Variants in MRPL3 observed in about 807,000 individuals in gnomAD.
The protein encoded by MRPL3 is mitochondrial ribosomal protein L3, also known as large ribosomal subunit protein uL3m.
A neutral mutation model predicts 44.3 loss-of-function variants in MRPL3; 43 were observed. That is an observed-to-expected ratio of 0.97 (90% confidence interval 0.76 to 1.25). The LOEUF (loss-of-function observed/expected upper bound fraction) is 1.25, where lower values mean the gene tolerates loss of function less well. MRPL3 is among the 50% of genes most tolerant of loss of function. The probability of loss-of-function intolerance (pLI) is 0.00; values close to 1 mark genes in which losing one functional copy is unlikely to be tolerated. For missense variants in MRPL3, 406 were observed against 427.6 expected (o/e 0.95, Z 0.45); for synonymous variants, 171 against 152.3 (o/e 1.12, Z -0.91).
At chr3:131,474,765 ATTT>A (rs372689423) in intron 6 of MRPL3, among the ~76,000 whole-genome samples, 24 of 137,876 alleles carry the variant, frequency 1.7e-4, no homozygotes, top group Admixed American at 3.7e-4. Flanking sequence ...AGACTTTTTA[ATTT>A]TTTTTTTTTT....
chr3:131,483,241 T>G (rs975500489), intron 6 of MRPL3, among the ~76,000 whole-genome samples: 6 of 152,138 alleles, frequency 3.9e-5, no homozygotes, highest in African/African-American at 1.4e-4. Flanking sequence ...ACCTTAAAAA[T>G]GTACCCAGGG....
At chr3:131,495,074 C>A (rs111487326) in intron 4 of MRPL3, among the ~76,000 whole-genome samples, 1 of 152,052 alleles carries the variant, frequency 6.6e-6, no homozygotes, top group African/African-American at 2.4e-5. Context: ...AAAAAGGCAA[C>A]GTAGTCTAAT....
rs143393720 is a variant in MRPL3, at chr3:131,464,521, T to C, written c.895-1646A>G. ...CCTCAATTATCTACCTCATTCTTTT[T>C]ATGTCTATCAGCAAACCAGTCTAAA... On this transcript the variant is annotated intron_variant, in intron 9 of 9. Coordinates refer to ENST00000264995, the MANE Select transcript of MRPL3 (RefSeq NM_007208.4). 9.2e-3 allele frequency among the ~76,000 whole-genome samples: 1,403 copies of C among 152,232 alleles called. 15 individuals carry two copies. Among genetic ancestry groups the C allele is most frequent in the African/African-American group, 0.031 (1,282 of 41,560 alleles).
At chr3:131,469,511 C>CT (rs1330175642) in intron 8 of MRPL3, among the ~76,000 whole-genome samples, 185 bp downstream of exon 8, 1 of 148,208 alleles carries the variant, frequency 6.7e-6, no homozygotes, top group African/African-American at 2.5e-5. Flanking sequence ...TCATTACTAC[C>CT]ACCATTACTA....
At chr3:131,499,905 T>C (rs1243307132) in intron 3 of MRPL3, among the ~76,000 whole-genome samples, 1 of 152,196 alleles carries the variant, frequency 6.6e-6, no homozygotes, top group Non-Finnish European at 1.5e-5. Flanking sequence ...AGAGTATCTT[T>C]TACAGATGAG....
chr3:131,501,539 C>T lies in MRPL3; in HGVS notation c.269G>A (p.Trp90Ter). 3.1e-6 allele frequency: 5 copies of T among 1,610,394 alleles called. No homozygotes were observed. The highest frequency in any genetic ancestry group is 4.2e-6 in the Non-Finnish European group (5 of 1,179,174). ...LKDEPWPIHP[W>*]EPGSFRVGLI... Reference sequence around the variant, plus strand: ...AAATACAAAATAATCACCTGGTTCCCAAGGATGTATAGGCCATGGTTCATC... The same window carrying T: ...AAATACAAAATAATCACCTGGTTCCTAAGGATGTATAGGCCATGGTTCATC... The change falls in exon 2 of 10, where the codon TGG becomes TAG. Residue 90 changes from tryptophan (W) to a stop codon, truncating the protein, a stop_gained. Transcript: ENST00000264995. LOFTEE classifies it high-confidence loss of function.
chr3:131,463,627 A>G (rs1274876601), intron 9 of MRPL3, among the ~76,000 whole-genome samples: 2 of 152,162 alleles, frequency 1.3e-5, no homozygotes, highest in Non-Finnish European at 2.9e-5. Flanking sequence ...TAAGTTAAAG[A>G]CAGAATAATA....
In MRPL3 at chr3:131,481,351, C is replaced by T. The variant is rs560879701; in HGVS notation, c.629+6329G>A. ...AAAATTGAAACTAATTACAAAGCAG[C>T]AACATCAATAATAGTGATAGTAGCT... is the stretch of plus-strand genomic sequence containing the variant. On this transcript the variant is annotated intron_variant, in intron 6 of 9. Transcript: ENST00000264995. 2.0e-5 allele frequency among the ~76,000 whole-genome samples: 3 copies of T among 152,260 alleles called. No individual in the cohort carries two copies. In the East Asian group the frequency reaches 5.8e-4, roughly 29 times the overall value.
At chr3:131,480,946 T>C (rs6776723) in intron 6 of MRPL3, among the ~76,000 whole-genome samples, 112,890 of 152,144 alleles carry the variant, frequency 0.74, 43,203 homozygotes, top group African/African-American at 0.91. Context: ...TTAAAGATAA[T>C]GAAATCGAAA....
chr3:131,485,174 C>T (rs964417741), intron 6 of MRPL3, among the ~76,000 whole-genome samples: 2 of 152,124 alleles, frequency 1.3e-5, no homozygotes, highest in Non-Finnish European at 1.5e-5. Flanking sequence ...TCCTCTTTTA[C>T]TTTATGCTTA....
chr3:131,475,052 G>A (rs1186420283), intron 6 of MRPL3, among the ~76,000 whole-genome samples: 1 of 151,994 alleles, frequency 6.6e-6, no homozygotes, highest in East Asian at 1.9e-4. Flanking sequence ...AAAGTGTTGG[G>A]ATTACAGGTG....
At chr3:131,491,681 C>T (rs1934258752) in intron 4 of MRPL3, among the ~76,000 whole-genome samples, 1 of 152,082 alleles carries the variant, frequency 6.6e-6, no homozygotes, top group African/African-American at 2.4e-5. Flanking sequence ...AGCAATTCCT[C>T]CAGACTATTT....
chr3:131,470,889 G>A (rs530030725), intron 7 of MRPL3, among the ~76,000 whole-genome samples: 3 of 152,136 alleles, frequency 2.0e-5, no homozygotes, highest in African/African-American at 7.2e-5. Context: ...TAATTCAAAA[G>A]ACAAACTGAA....
chr3:131,502,773 G>A lies in MRPL3; in HGVS notation c.49C>T (p.Arg17Ter), dbSNP rs1485897099. Residue 17 changes from arginine (R) to a stop codon, truncating the protein, a stop_gained, in exon 1 of 10, where the codon CGA becomes TGA. Transcript: ENST00000264995. LOFTEE classifies it high-confidence loss of function. ...LTQVGAQVLG[R>*]LGDGLGAALG... The stretch of plus-strand genomic sequence containing the variant: ...GCAGCACCCAGGCCGTCCCCGAGTC[G>A]ACCCAGCACCTGGGCGCCGACCTGC... 6.2e-7 allele frequency: 1 copy of A among 1,612,238 alleles called. No individual in the cohort carries two copies. The highest frequency in any genetic ancestry group is 8.5e-7 in the Non-Finnish European group (1 of 1,179,072).
intron 6 of MRPL3, among the ~76,000 whole-genome samples, chr3:131,476,979 T>C (rs1933866965): frequency 6.6e-6 from 1 of 152,226 alleles, no homozygotes; most frequent in Non-Finnish European, 1.5e-5. Context: ...CTTAAAGGTA[T>C]GGCTAATAAT....
intron 8 of MRPL3, among the ~76,000 whole-genome samples, chr3:131,468,546 T>C (rs377201085): frequency 6.6e-6 from 1 of 152,130 alleles, no homozygotes; most frequent in South Asian, 2.1e-4. Flanking sequence ...TCACTGATTC[T>C]AATTTCTAAA....
At chr3:131,498,688 C>A (rs1370887846) in intron 3 of MRPL3, among the ~76,000 whole-genome samples, 63 of 96,346 alleles carry the variant, frequency 6.5e-4, no homozygotes, top group Admixed American at 1.9e-3. Context: ...GGGGACAGAG[C>A]AAGACTCCGT....
At chr3:131,487,840 A>C (rs1470311584) in intron 5 of MRPL3, 100 bp from the exon 6 acceptor site, 2 of 847,754 alleles carry the variant, frequency 2.4e-6, no homozygotes, top group Non-Finnish European at 3.7e-6. Flanking sequence ...AGCTGATTTC[A>C]AAAATGGTAA....
intron 2 of MRPL3, 40 bp from the exon 3 acceptor site, chr3:131,500,561 G>T: frequency 6.6e-7 from 1 of 1,521,416 alleles, no homozygotes; most frequent in Non-Finnish European, 9.1e-7. Flanking sequence ...AAAAGCTTTT[G>T]CAACATTCAC....
Sources: gnomAD v4.1 joint callset for allele counts (sites outside exome capture counted in the v4.1 genomes callset) on GRCh38, gnomAD v4.1.1 for gene constraint, MANE v1.5 for transcripts, NCBI Gene and HGNC (gene_info 2026-07-23, HGNC 2026-07-21) for gene names.